Variants in KAZN observed in about 807,000 individuals in gnomAD.
KAZN encodes kazrin.
A neutral mutation model predicts 87.4 loss-of-function variants in KAZN; 40 were observed. That is an observed-to-expected ratio of 0.46 (90% CI 0.36 to 0.60). KAZN has a LOEUF of 0.60. Among genes scored for constraint, KAZN ranks in the 20% least tolerant of loss-of-function variants. The pLI is 0.00. For missense variants in KAZN, 898 were observed against 1,073.9 expected, an observed-to-expected ratio of 0.84 and a Z score of 2.29; for synonymous variants, 466 against 458.3, an observed-to-expected ratio of 1.02 and a Z score of -0.22.
intron 1 of KAZN, among the ~76,000 whole-genome samples, chr1:13,909,303 T>A (rs1639563277): frequency 6.6e-6 from 1 of 152,054 alleles, no homozygotes; most frequent in South Asian, 2.1e-4. Flanking sequence ...ACAGTGTGAG[T>A]CTTTCTCCTT....
intron 1 of KAZN, among the ~76,000 whole-genome samples, chr1:13,960,426 T>C (rs903406377): frequency 6.6e-6 from 1 of 152,290 alleles, no homozygotes; most frequent in East Asian, 1.9e-4. Flanking sequence ...TCATGTACGT[T>C]CTAGTAATGC....
In KAZN at chr1:15,031,509, C is replaced by T. The variant is rs72639841; in HGVS notation, c.419-3240C>T. On this transcript the variant is annotated intron_variant, in intron 2 of 14. Coordinates refer to ENST00000376030, the MANE Select transcript of KAZN (RefSeq NM_201628.3). ...AGCCAGCGCTGTGGGGAAGGAGAGT[C>T]TGGAGGGGACAGAAGTCATGCTGCT... is the stretch of plus-strand genomic sequence containing the variant. Among the ~76,000 whole-genome samples, 1,151 of 151,392 alleles carry T rather than the reference C, an allele frequency of 7.6e-3. 8 individuals are homozygous for T. The highest frequency in any genetic ancestry group is 0.012 in the Non-Finnish European group (830 of 67,686).
chr1:14,269,100 C>T (rs1332952428), intron 2 of KAZN, among the ~76,000 whole-genome samples: 1 of 152,230 alleles, frequency 6.6e-6, no homozygotes, highest in Non-Finnish European at 1.5e-5. Flanking sequence ...TTCTCTCTCT[C>T]TCTCTGTCTC....
chr1:14,811,025 A>G (rs1646392886), intron 1 of KAZN, among the ~76,000 whole-genome samples: 1 of 152,332 alleles, frequency 6.6e-6, no homozygotes, highest in Admixed American at 6.5e-5. Flanking sequence ...GGCCTCCAAA[A>G]TGTTTCTTTT....
chr1:14,850,359 C>A (rs1199325002), intron 1 of KAZN, among the ~76,000 whole-genome samples: 2 of 152,182 alleles, frequency 1.3e-5, no homozygotes, highest in Non-Finnish European at 2.9e-5. Context: ...CCCTTACTGA[C>A]CAACCACATG....
At chr1:14,334,099 C>G (rs565502175) in intron 2 of KAZN, among the ~76,000 whole-genome samples, 2 of 151,978 alleles carry the variant, frequency 1.3e-5, no homozygotes, top group South Asian at 4.2e-4. Context: ...GCAAGGTTGG[C>G]TCATGCCTGT....
intron 1 of KAZN, among the ~76,000 whole-genome samples, chr1:14,887,641 T>C (rs1188118253): frequency 6.6e-6 from 1 of 151,452 alleles, no homozygotes; most frequent in Non-Finnish European, 1.5e-5. Flanking sequence ...AGCCCCAGTT[T>C]GGGAACCATC....
chr1:14,542,593 G>A (rs1163726287), intron 2 of KAZN, among the ~76,000 whole-genome samples: 2 of 152,166 alleles, frequency 1.3e-5, no homozygotes, highest in Middle Eastern at 3.2e-3. Flanking sequence ...AAGTACATGG[G>A]CAGATTTGTT....
At chr1:14,267,542 T>A (rs1030302043) in intron 2 of KAZN, among the ~76,000 whole-genome samples, 3 of 152,126 alleles carry the variant, frequency 2.0e-5, no homozygotes, top group Non-Finnish European at 4.4e-5. Context: ...TACCGTTTTT[T>A]ATAAAAGAAT....
At chr1:14,846,836 G>A (rs1486114980) in intron 1 of KAZN, among the ~76,000 whole-genome samples, 1 of 152,148 alleles carries the variant, frequency 6.6e-6, no homozygotes, top group Non-Finnish European at 1.5e-5. Context: ...TATATAGGAA[G>A]GTGACTGTGG....
chr1:13,923,684 G>A (rs1022779285), intron 1 of KAZN, among the ~76,000 whole-genome samples: 1 of 151,992 alleles, frequency 6.6e-6, no homozygotes, highest in Non-Finnish European at 1.5e-5. Context: ...GGAGGAGGAT[G>A]AGGAGGGGTT....
In KAZN at chr1:14,718,697, G is replaced by A. The variant is rs148197157; in HGVS notation, c.226+119474G>A. Among the ~76,000 whole-genome samples, 85 of 152,314 alleles carry A rather than the reference G, an allele frequency of 5.6e-4. 1 individual carries two copies. The highest frequency in any genetic ancestry group is 1.9e-3 in the African/African-American group (77 of 41,566). On this transcript the variant is annotated intron_variant, in intron 1 of 14. Coordinates refer to ENST00000376030, the MANE Select transcript of KAZN (RefSeq NM_201628.3). ...GGCAGTGCCAAGGACCTCACATGGC[G>A]AATGTCACTGGCCTTCTGGATCCCC... is the stretch of plus-strand genomic sequence containing the variant.
At chr1:15,053,264 C>T (rs1674607163) in intron 4 of KAZN, among the ~76,000 whole-genome samples, 1 of 152,316 alleles carries the variant, frequency 6.6e-6, no homozygotes, top group East Asian at 1.9e-4. Context: ...GTGCCGCCAC[C>T]GACTCGCCTG....
At chr1:14,395,503 G>T (rs2101108942) in intron 2 of KAZN, among the ~76,000 whole-genome samples, 1 of 152,276 alleles carries the variant, frequency 6.6e-6, no homozygotes, top group South Asian at 2.1e-4. Flanking sequence ...CACGGAGAGG[G>T]CTGTGGCTGT....
chr1:13,983,831 A>G (rs945412026), intron 1 of KAZN, among the ~76,000 whole-genome samples: 4 of 152,170 alleles, frequency 2.6e-5, no homozygotes, highest in Non-Finnish European at 5.9e-5. Context: ...CGAAAGTTAT[A>G]CATGTTTATT....
At chr1:14,365,667 T>C (rs1027582158) in intron 2 of KAZN, among the ~76,000 whole-genome samples, 12 of 152,102 alleles carry the variant, frequency 7.9e-5, no homozygotes, top group African/African-American at 1.4e-4. Flanking sequence ...CTCTACTCAC[T>C]AGATGCCAGG....
intron 2 of KAZN, among the ~76,000 whole-genome samples, chr1:15,003,324 CGGCTCT>C (rs1668688894): frequency 2.6e-5 from 4 of 152,164 alleles, no homozygotes; most frequent in African/African-American, 9.7e-5. Flanking sequence ...CAGTTGGCAG[CGGCTCT>C]GGTAACTTGT....
intron 5 of KAZN, 110 bp from the exon 6 acceptor site, chr1:15,060,062 C>A: frequency 7.1e-7 from 1 of 1,411,190 alleles, no homozygotes; most frequent in East Asian, 2.4e-5. Flanking sequence ...TTCTCTACAC[C>A]TCAGTGTTCC....
chr1:14,172,095 T>G (rs1253109148), intron 1 of KAZN, among the ~76,000 whole-genome samples: 1 of 152,210 alleles, frequency 6.6e-6, no homozygotes, highest in East Asian at 1.9e-4. Context: ...TGCTTTAAAT[T>G]TGTAGACCAA....
Sources: gnomAD v4.1 joint callset for allele counts (sites outside exome capture counted in the v4.1 genomes callset) on GRCh38, gnomAD v4.1.1 for gene constraint, MANE v1.5 for transcripts, NCBI Gene and HGNC (gene_info 2026-07-23, HGNC 2026-07-21) for gene names.